The following MROH7 variants were observed in gnomAD, a reference collection of about 807,000 sequenced individuals.
MROH7 encodes the protein maestro heat-like repeat-containing protein family member 7.
In MROH7, 113 loss-of-function variants were observed where a neutral mutation model predicts 129.2. The ratio of observed to expected loss-of-function variants is 0.87; its 90% confidence interval spans 0.75 to 1.02. The LOEUF is 1.02. Among genes scored for constraint, MROH7 ranks in the 50% least tolerant of loss-of-function variants. The pLI is 0.00. For missense variants in MROH7, 1,601 were observed against 1,671.3 expected, an observed-to-expected ratio of 0.96 and a Z score of 0.73; for synonymous variants, 655 against 667.9, an observed-to-expected ratio of 0.98 and a Z score of 0.30.
Position 54,678,907 on chromosome 1 carries a change from G to GA in MROH7, c.2049+53_2049+54insA, listed in dbSNP as rs1425437548. On this transcript the variant is annotated intron_variant, in intron 11 of 23. Coordinates refer to ENST00000421030, the MANE Select transcript of MROH7 (RefSeq NM_001039464.4). ...GGAGGGTGGGGGGTGAGGAGGGGCA[G>GA]TGCCACCTGGCCCCAAAGCTTTCTT... is the stretch of plus-strand genomic sequence containing the variant. 1.1e-5 allele frequency: 15 copies of GA among 1,373,528 alleles called. No homozygotes were observed. In the East Asian group the frequency reaches 3.4e-4, roughly 31 times the overall value. The allele number at this position is 1,373,528 out of a possible 1,614,324, so 85.1% of individuals were successfully genotyped here.
chr1:54,706,618 T>C (rs1645538739), intron 22 of MROH7, 81 bp downstream of exon 22: 2 of 1,020,240 alleles, frequency 2.0e-6, no homozygotes, highest in Non-Finnish European at 3.0e-6. Flanking sequence ...CTGCTAGCCC[T>C]TTCAGCACCT....
At chr1:54,670,020 AAAAT>A (rs1183562626) in intron 5 of MROH7, among the ~76,000 whole-genome samples, 5 of 151,916 alleles carry the variant, frequency 3.3e-5, no homozygotes, top group African/African-American at 1.2e-4. Flanking sequence ...AAAAAAAAAA[AAAAT>A]AGTTCAAGAT....
intron 13 of MROH7, among the ~76,000 whole-genome samples, chr1:54,682,133 T>C (rs561839475): frequency 3.3e-5 from 5 of 151,462 alleles, no homozygotes; most frequent in African/African-American, 9.7e-5. Flanking sequence ...GCATGATACC[T>C]GGGAAATAGG....
intron 17 of MROH7, chr1:54,700,039 C>T (rs1228983154): frequency 4.6e-6 from 3 of 658,086 alleles, no homozygotes; most frequent in Middle Eastern, 2.5e-4. Context: ...AGGGTGTGGG[C>T]TGGAGGGTGG....
chr1:54,670,003 C>CAAAA (rs34295281), intron 5 of MROH7, among the ~76,000 whole-genome samples: 2 of 105,260 alleles, frequency 1.9e-5, no homozygotes, highest in African/African-American at 3.4e-5. Flanking sequence ...GACTTCATGT[C>CAAAA]AAAAAAAAAA....
At chr1:54,678,957 A>G (rs779777092) in intron 11 of MROH7, 103 bp downstream of exon 11, 7 of 964,050 alleles carry the variant, frequency 7.3e-6, no homozygotes, top group Non-Finnish European at 1.1e-5. Flanking sequence ...CAGGCTTTGC[A>G]GGACGCCTTC....
At chr1:54,690,584 C>T (rs545542466) in intron 15 of MROH7, among the ~76,000 whole-genome samples, 1 of 152,014 alleles carries the variant, frequency 6.6e-6, no homozygotes, top group African/African-American at 2.4e-5. Flanking sequence ...GCTGGGACTA[C>T]AGGCGCCCGC....
Position 54,703,598 on chromosome 1 carries a change from T to C in MROH7, c.3564+853T>C, listed in dbSNP as rs894399735. On this transcript the variant is annotated intron_variant, in intron 21 of 23. Coordinates refer to ENST00000421030, the MANE Select transcript of MROH7 (RefSeq NM_001039464.4). The surrounding 1 kb of genome is among the most constrained non-coding windows in gnomAD (Gnocchi z 4.4). ...CAGAGCTTCCTTTCTCGGTGATACC[T>C]GTGAACATCATGAGGTAGGAGCAAG... Among the ~76,000 whole-genome samples, 1 of 152,092 alleles carries C rather than the reference T, an allele frequency of 6.6e-6. No homozygotes were observed.
At chr1:54,651,048 C>A (rs1644546749) in intron 1 of MROH7, among the ~76,000 whole-genome samples, 1 of 152,136 alleles carries the variant, frequency 6.6e-6, no homozygotes, top group Admixed American at 6.6e-5. Context: ...CTTGCATTTT[C>A]TTTTCTCTTC....
intron 17 of MROH7, 96 bp from the exon 18 acceptor site, chr1:54,700,225 G>A (rs766370558): frequency 4.6e-6 from 7 of 1,522,816 alleles, no homozygotes; most frequent in African/African-American, 1.4e-5. Context: ...GGGCAGAGCT[G>A]AGCCTGGTAT....
intron 17 of MROH7, chr1:54,695,896 T>G: frequency 3.3e-6 from 1 of 307,002 alleles, no homozygotes; most frequent in Non-Finnish European, 6.3e-6. Context: ...TAGGCTGTGG[T>G]GGGGAAACAA....
intron 14 of MROH7, among the ~76,000 whole-genome samples, chr1:54,683,371 G>A (rs1345320203): frequency 6.6e-6 from 1 of 152,100 alleles, no homozygotes; most frequent in Non-Finnish European, 1.5e-5. Flanking sequence ...CTTGACCCTG[G>A]GAACACAGAG....
intron 17 of MROH7, among the ~76,000 whole-genome samples, chr1:54,696,633 C>T (rs10888866): frequency 0.21 from 28,618 of 133,472 alleles, 3,127 homozygotes; most frequent in South Asian, 0.31. Context: ...TTTATCTATG[C>T]TGTTGCATGC....
chr1:54,702,304 CT>C, intron 20 of MROH7, 59 bp downstream of exon 20: 2 of 1,334,548 alleles, frequency 1.5e-6, no homozygotes, highest in Non-Finnish European at 9.8e-7. Flanking sequence ...GGGCGCACCT[CT>C]TTTTACGTTA....
intron 1 of MROH7, among the ~76,000 whole-genome samples, chr1:54,645,436 T>A (rs541277368): frequency 1.3e-5 from 2 of 151,778 alleles, no homozygotes; most frequent in Admixed American, 1.3e-4. Context: ...TGCACCACCA[T>A]GTCCAGCCAA....
intron 1 of MROH7, among the ~76,000 whole-genome samples, chr1:54,646,089 C>T (rs1201463549): frequency 1.3e-5 from 2 of 152,184 alleles, no homozygotes; most frequent in African/African-American, 4.8e-5. Context: ...CTGTTTATTC[C>T]TGCTGGTGCT....
chr1:54,696,416 C>A (rs61768788), intron 17 of MROH7, among the ~76,000 whole-genome samples: 41 of 152,192 alleles, frequency 2.7e-4, no homozygotes, highest in Non-Finnish European at 4.4e-4. Flanking sequence ...CACCACCATT[C>A]ATCTCCAGAA....
intron 1 of MROH7, among the ~76,000 whole-genome samples, chr1:54,644,237 G>T (rs565663767): frequency 6.7e-6 from 1 of 150,104 alleles, no homozygotes; most frequent in Non-Finnish European, 1.5e-5. Context: ...GTTTTTTTTG[G>T]GGGGTGGGGA....
At chr1:54,692,355 G>A (rs1225965880) in intron 15 of MROH7, 69 bp from the exon 16 acceptor site, 9 of 1,586,926 alleles carry the variant, frequency 5.7e-6, no homozygotes, top group South Asian at 2.3e-5. Flanking sequence ...AGGAGAGGCC[G>A]GGGTGGAGGG....
Sources: allele counts gnomAD v4.1 joint callset (sites outside exome capture counted in the v4.1 genomes callset), GRCh38; gene constraint gnomAD v4.1.1; non-coding constraint Gnocchi (gnomAD v3.1); transcripts MANE v1.5; gene names NCBI Gene and HGNC (gene_info 2026-07-23, HGNC 2026-07-21).